Variants in ZNF563 observed in about 807,000 individuals in gnomAD.
ZNF563 encodes the protein zinc finger protein 563.
ZNF563 carries 39 observed loss-of-function variants against 48.5 expected under a neutral mutation model. The ratio of observed to expected loss-of-function variants is 0.80; its 90% CI spans 0.62 to 1.05. The LOEUF is 1.05. Ranked by LOEUF, ZNF563 falls within the 50% of genes least tolerant of loss-of-function variation. ZNF563 has a pLI of 0.00. For synonymous variants in ZNF563, 168 were observed against 187.9 expected (o/e 0.89, Z 0.87); for missense variants, 538 against 597.0 (o/e 0.90, Z 1.03).
upstream of ZNF563, among the ~76,000 whole-genome samples, chr19:12,335,009 G>C (rs6511785): frequency 0.049 from 7,385 of 151,984 alleles, 593 homozygotes; most frequent in African/African-American, 0.17. Context: ...GTGCTACGTG[G>C]AGGCGTGCGC....
chr19:12,330,710 C>G (rs1453518163), intron 1 of ZNF563, among the ~76,000 whole-genome samples: 1 of 152,148 alleles, frequency 6.6e-6, no homozygotes, highest in Non-Finnish European at 1.5e-5. Context: ...AGAAGAATAA[C>G]CAATCTTCTG....
upstream of ZNF563, among the ~76,000 whole-genome samples, chr19:12,338,367 C>G (rs910496647): frequency 6.6e-6 from 1 of 151,136 alleles, no homozygotes; most frequent in Non-Finnish European, 1.5e-5. Context: ...TGTGCCTCAG[C>G]CTCCTGAGTA....
At chr19:12,333,348 G>A in intron 1 of ZNF563, 132 bp downstream of exon 1, 1 of 1,267,210 alleles carries the variant, frequency 7.9e-7, no homozygotes, top group Non-Finnish European at 1.1e-6. Context: ...CGAGGGTCGA[G>A]CTGCGCCAGG....
intron 3 of ZNF563, 114 bp downstream of exon 3, chr19:12,321,158 A>C (rs768058042): frequency 3.9e-6 from 3 of 778,980 alleles, no homozygotes; most frequent in African/African-American, 1.8e-5. Flanking sequence ...AGTTAATTTA[A>C]AAAATTAAAA....
At chr19:12,342,824 C>T in the ZNF563 span, among the ~76,000 whole-genome samples, 3 of 149,948 alleles carry the variant, frequency 2.0e-5, no homozygotes, top group Non-Finnish European at 3.0e-5. Flanking sequence ...TACCTTAAGA[C>T]CACTGAAAAC....
intron 1 of ZNF563, among the ~76,000 whole-genome samples, chr19:12,328,275 C>T: frequency 6.6e-6 from 1 of 152,098 alleles, no homozygotes; most frequent in Non-Finnish European, 1.5e-5. Flanking sequence ...TTGCTTGAGG[C>T]CAGACTGAGC....
intron 1 of ZNF563, among the ~76,000 whole-genome samples, chr19:12,331,043 G>A (rs1010674531): frequency 1.3e-5 from 2 of 152,068 alleles, no homozygotes; most frequent in African/African-American, 2.4e-5. Context: ...TGTGTAGTAC[G>A]ACAGAAAAGA....
At chr19:12,330,971 A>G (rs1968903945) in intron 1 of ZNF563, among the ~76,000 whole-genome samples, 1 of 152,180 alleles carries the variant, frequency 6.6e-6, no homozygotes, top group Admixed American at 6.5e-5. Flanking sequence ...AGATGATCCA[A>G]TTAAAAACAA....
the ZNF563 span, among the ~76,000 whole-genome samples, chr19:12,341,262 G>A: frequency 1.3e-5 from 2 of 152,138 alleles, no homozygotes; most frequent in African/African-American, 2.4e-5. Flanking sequence ...ATGTTGCCCA[G>A]GCTGGTCTTA....
chr19:12,346,009 A>C, the ZNF563 span: 2 of 152,192 alleles, frequency 1.3e-5, no homozygotes, highest in Admixed American at 1.3e-4. Context: ...AATAAAAGAT[A>C]AACTGGACTA....
At chr19:12,341,935 C>T in the ZNF563 span, among the ~76,000 whole-genome samples, 12 of 152,214 alleles carry the variant, frequency 7.9e-5, no homozygotes, top group Non-Finnish European at 1.5e-4. Flanking sequence ...GCACATGGAA[C>T]GCTCTCTAAG....
rs938706358 is a variant in ZNF563 at position 12,329,335 on chromosome 19, G to A, written c.3+4145C>T. On this transcript the variant is annotated intron_variant, in intron 1 of 3. Transcript: ENST00000293725. ...AAAAATACAAAAATTAGCTGAGTGT[G>A]GTGGCACATGCCTGTTAATCCCAGC... Among the ~76,000 whole-genome samples, 3 of 152,004 alleles carry A rather than the reference G, an allele frequency of 2.0e-5. No individual in the cohort carries two copies. The South Asian group carries it at 6.2e-4, about 32-fold the overall frequency.
rs1192336817 is a variant in ZNF563 at position 12,319,214 on chromosome 19, G to C, written c.811C>G (p.His271Asp). Reference protein sequence around the residue: ...ALPDSSSYIRHERTHTGEKPY... With the variant: ...ALPDSSSYIRDERTHTGEKPY... ...TTCTCTCCAGTGTGAGTTCTTTCAT[G>C]TCTTATATAGGAACTGGAATCAGGC... Residue 271 changes from histidine (H) to aspartate (D), a missense_variant, in exon 4 of 4, where the codon CAT (histidine) becomes GAT (aspartate). Physicochemically the swap from His to Asp is moderately conservative, Grantham distance 81 (BLOSUM62 -1). Coordinates refer to ENST00000293725, the MANE Select transcript of ZNF563 (RefSeq NM_145276.3). The C allele has an allele frequency of 2.5e-6, 4 of 1,614,136 alleles. No individual in the cohort carries two copies. Among genetic ancestry groups the C allele is most frequent in the Non-Finnish European group, 3.4e-6 (4 of 1,180,038 alleles).
At chr19:12,335,953 T>C (rs555823377), upstream of ZNF563, among the ~76,000 whole-genome samples, 4 of 152,358 alleles carry the variant, frequency 2.6e-5, no homozygotes, top group African/African-American at 7.2e-5. Context: ...TTCTCTCCAA[T>C]TAATTCAGCA....
At chr19:12,342,618 T>C in the ZNF563 span, among the ~76,000 whole-genome samples, 1 of 148,796 alleles carries the variant, frequency 6.7e-6, no homozygotes, top group Non-Finnish European at 1.5e-5. Context: ...ACAAAAAAAA[T>C]TAAAAAATCA....
At chr19:12,339,189 G>A in the ZNF563 span, among the ~76,000 whole-genome samples, 1 of 151,782 alleles carries the variant, frequency 6.6e-6, no homozygotes, top group Non-Finnish European at 1.5e-5. Context: ...GTCAATCAGT[G>A]ACCAGGTGTC....
At chr19:12,344,650 T>C in the ZNF563 span, among the ~76,000 whole-genome samples, 1 of 152,144 alleles carries the variant, frequency 6.6e-6, no homozygotes, top group South Asian at 2.1e-4. Context: ...TTCCCTCTAA[T>C]ATCAAGAAGA....
At position 12,322,606 on chromosome 19, in the gene ZNF563, TG is replaced by T. The variant is rs754007973; in HGVS notation, c.108del (p.Ile37SerfsTer7). 193 of 1,604,878 alleles carry T rather than the reference TG, an allele frequency of 1.2e-4. No homozygotes were observed. The highest frequency in any genetic ancestry group is 1.5e-4 in the Non-Finnish European group (180 of 1,175,120). ...TTACTTATACAGTCCAGGTTCCTGA[TG>T]GTTTCTTGCATCACATATCTGTATA... ...KNLYRYVMQE[T>X]IRNLDCIRMI... is the part of the protein sequence containing the mutation. On this transcript the variant is annotated frameshift_variant, in exon 2 of 4. Transcript: ENST00000293725. LOFTEE classifies it high-confidence loss of function.
At chr19:12,347,039 G>C in the ZNF563 span, 11 of 152,296 alleles carry the variant, frequency 7.2e-5, no homozygotes, top group East Asian at 2.1e-3. Context: ...ATTCTAGTTT[G>C]TACCAGCACT....
Sources: gnomAD v4.1 joint callset for allele counts (sites outside exome capture counted in the v4.1 genomes callset) on GRCh38, gnomAD v4.1.1 for gene constraint, MANE v1.5 for transcripts, NCBI Gene and HGNC (gene_info 2026-07-23, HGNC 2026-07-21) for gene names.